The following B3GALNT2 variants were observed in gnomAD, a reference collection of about 807,000 sequenced individuals.
B3GALNT2 encodes the protein UDP-GalNAc:beta-1,3-N-acetylgalactosaminyltransferase 2.
Under a neutral mutation model 61.1 loss-of-function variants are expected in B3GALNT2, and 53 were observed. The ratio of observed to expected loss-of-function variants is 0.87; its 90% CI spans 0.70 to 1.09. The LOEUF is 1.09. Among genes scored for constraint, B3GALNT2 ranks in the 50% least tolerant of loss-of-function variants. B3GALNT2 has a pLI of 0.00. For synonymous variants in B3GALNT2, 223 were observed against 237.4 expected, an observed-to-expected ratio of 0.94 and a Z score of 0.56; for missense variants, 544 against 623.0, an observed-to-expected ratio of 0.87 and a Z score of 1.35.
At chr1:235,454,922 T>C (rs1019014011) in intron 9 of B3GALNT2, among the ~76,000 whole-genome samples, 1 of 152,194 alleles carries the variant, frequency 6.6e-6, no homozygotes, top group Non-Finnish European at 1.5e-5. Context: ...TAATCCATAT[T>C]GTATTCCTGA....
At position 235,448,502 on chromosome 1, in the gene B3GALNT2, A is replaced by T; in HGVS notation, c.*1704T>A. ...CTTAGTCCTCGTATTATGACATTAA[A>T]CTGTCTCTAGATAGCAACAGTTTGA... On this transcript the variant is annotated 3_prime_UTR_variant, in exon 12 of 12. Coordinates refer to ENST00000366600, the MANE Select transcript of B3GALNT2 (RefSeq NM_152490.5). 6.6e-7 allele frequency: 1 copy of T among 1,523,468 alleles called. No individual in the cohort carries two copies. Among genetic ancestry groups the T allele is most frequent in the South Asian group, 1.1e-5 (1 of 88,960 alleles). 94.4% of individuals were successfully genotyped at this position (1,523,468 alleles called of 1,614,324 possible).
chr1:235,447,884 C>CTAAT lies in B3GALNT2; in HGVS notation c.*2318_*2321dup, dbSNP rs1682510127. On this transcript the variant is annotated 3_prime_UTR_variant, in exon 12 of 12. Transcript: ENST00000366600. ...GGTGGTACAAGACTCAGGCTTTCCC[C>CTAAT]TAATTACTTACTTGGGTAAAGTGAC... Among the ~76,000 whole-genome samples, 1 of 151,892 alleles carries CTAAT rather than the reference C, an allele frequency of 6.6e-6. No homozygotes were observed.
intron 7 of B3GALNT2, among the ~76,000 whole-genome samples, chr1:235,462,527 A>C (rs1048924206): frequency 3.3e-5 from 5 of 152,264 alleles, no homozygotes; most frequent in African/African-American, 1.2e-4. Flanking sequence ...ATGTTGCAGC[A>C]CACAGATCAA....
chr1:235,474,361 C>T (rs1395141344), intron 5 of B3GALNT2, among the ~76,000 whole-genome samples: 1 of 152,228 alleles, frequency 6.6e-6, no homozygotes, highest in Non-Finnish European at 1.5e-5. Context: ...AGCAAGCTGT[C>T]TGTAACTCCT....
chr1:235,482,777 C>G (rs771364198), intron 4 of B3GALNT2, among the ~76,000 whole-genome samples: 1 of 151,962 alleles, frequency 6.6e-6, no homozygotes, highest in Non-Finnish European at 1.5e-5. Context: ...CAGTGAACCA[C>G]GACTGTGCCA....
At chr1:235,455,787 C>G (rs1683142505) in intron 8 of B3GALNT2, 103 bp from the exon 9 acceptor site, 1 of 1,337,006 alleles carries the variant, frequency 7.5e-7, no homozygotes, top group Middle Eastern at 1.9e-4. Context: ...CTGTCATTAT[C>G]TAAATTTCTT....
In B3GALNT2 at chr1:235,480,085, T is replaced by TACCACAGCTTGTTCACCTGCAC; in HGVS notation, c.598_619dup (p.Tyr207CysfsTer21). 1 of 1,613,974 alleles carries TACCACAGCTTGTTCACCTGCAC rather than the reference T, an allele frequency of 6.2e-7. No homozygotes were observed. The highest frequency in any genetic ancestry group is 1.1e-5 in the South Asian group (1 of 91,080). Reference sequence around the variant, plus strand: ...TAAGATGAATTGTTCCACGGGCTTGTACCACAGCTTGTTCACCTGCACACC... The same window carrying TACCACAGCTTGTTCACCTGCAC: ...TAAGATGAATTGTTCCACGGGCTTGTACCACAGCTTGTTCACCTGCACACCACAGCTTGTTCACCTGCACACC... On this transcript the variant is annotated frameshift_variant, in exon 5 of 12. Coordinates refer to ENST00000366600, the MANE Select transcript of B3GALNT2 (RefSeq NM_152490.5). LOFTEE classifies it high-confidence loss of function.
chr1:235,441,605 T>A, the B3GALNT2 span: 1 of 580,804 alleles, frequency 1.7e-6, no homozygotes, highest in Non-Finnish European at 3.1e-6. Context: ...CTACAGAGTC[T>A]GCAGCTCTGG....
chr1:235,475,773 AAATT>A (rs764463421), intron 5 of B3GALNT2, among the ~76,000 whole-genome samples: 1 of 152,178 alleles, frequency 6.6e-6, no homozygotes, highest in Non-Finnish European at 1.5e-5. Flanking sequence ...AAAAAGAAGA[AAATT>A]AAAATCATCC....
At position 235,448,263 on chromosome 1, in the gene B3GALNT2, A is replaced by G. The variant is rs899045502; in HGVS notation, c.*1943T>C. ...AAAGACAGATACAGCTATCATTGCA[A>G]TGATACTGTGGTCTCATCACATGAG... On this transcript the variant is annotated 3_prime_UTR_variant, in exon 12 of 12. Coordinates refer to ENST00000366600, the MANE Select transcript of B3GALNT2 (RefSeq NM_152490.5). 4.3e-5 allele frequency: 43 copies of G among 1,010,056 alleles called. No individual in the cohort carries two copies. Among genetic ancestry groups the G allele is most frequent in the Non-Finnish European group, 6.5e-5 (41 of 632,838 alleles). 62.6% of individuals were successfully genotyped at this position (1,010,056 alleles called of 1,614,324 possible). A position where few individuals can be genotyped will look rare whatever the true frequency, so the allele number is the denominator to read the frequency against.
rs1321967195 is a variant in B3GALNT2, at chr1:235,494,818, G to C, written c.123C>G (p.Ala41=). The C allele has an allele frequency of 1.2e-6, 2 of 1,606,198 alleles. No individual in the cohort carries two copies. The highest frequency in any genetic ancestry group is 1.1e-5 in the South Asian group (1 of 90,598). Residue 41 remains alanine (A), a synonymous_variant, in exon 2 of 12, where the codon GCC becomes GCG. Transcript: ENST00000366600. ...ASGAGPADQL[A]LFPQWKSTHY... ...GAGTAGATTTCCACTGAGGAAATAA[G>C]GCCAACTGATCTAGAAATAAGAACA...
chr1:235,493,685 G>A (rs911420429), intron 2 of B3GALNT2, among the ~76,000 whole-genome samples: 2 of 152,120 alleles, frequency 1.3e-5, no homozygotes, highest in African/African-American at 4.8e-5. Flanking sequence ...GGCTGAGGCA[G>A]GAGAATCGCT....
At position 235,447,921 on chromosome 1, in the gene B3GALNT2, G is replaced by T. The variant is rs1183868947; in HGVS notation, c.*2285C>A. Among the ~76,000 whole-genome samples the T allele has an allele frequency of 2.0e-5, 3 of 152,098 alleles. No individual in the cohort carries two copies. In the East Asian group the frequency reaches 5.8e-4, roughly 29 times the overall value. Reference sequence around the variant, plus strand: ...TTGGGTAAAGTGACTTGGGTAAAATGAAAGATACAGCCAGGCGCTGGGCTC... The same window carrying T: ...TTGGGTAAAGTGACTTGGGTAAAATTAAAGATACAGCCAGGCGCTGGGCTC... On this transcript the variant is annotated 3_prime_UTR_variant, in exon 12 of 12. Coordinates refer to ENST00000366600, the MANE Select transcript of B3GALNT2 (RefSeq NM_152490.5).
intron 2 of B3GALNT2, among the ~76,000 whole-genome samples, chr1:235,490,754 TACTC>T (rs1415688603): frequency 1.3e-5 from 2 of 152,006 alleles, no homozygotes; most frequent in Middle Eastern, 3.4e-3. Flanking sequence ...TCAAAGGAAA[TACTC>T]AAATTAATCA....
chr1:235,465,082 A>G (rs183893081), intron 7 of B3GALNT2: 1 of 152,412 alleles, frequency 6.6e-6, no homozygotes, highest in East Asian at 1.9e-4. Flanking sequence ...CATTTAAGAG[A>G]AATGGAAATA....
chr1:235,449,742 G>A lies in B3GALNT2; in HGVS notation c.*464C>T, dbSNP rs1682776529. 1 of 154,058 alleles carries A rather than the reference G, an allele frequency of 6.5e-6. No individual in the cohort carries two copies. The highest frequency in any genetic ancestry group is 2.4e-5 in the African/African-American group (1 of 41,438). The allele number at this position is 154,058 out of a possible 1,614,324, so 9.5% of individuals were successfully genotyped here. ...CCACTGCTCAAATATGTGATCACAT[G>A]ATCACACAGCATTCCTGTGAGTTCC... is the stretch of plus-strand genomic sequence containing the variant. On this transcript the variant is annotated 3_prime_UTR_variant, in exon 12 of 12. Coordinates refer to ENST00000366600, the MANE Select transcript of B3GALNT2 (RefSeq NM_152490.5).
At chr1:235,494,286 G>A (rs1685210379) in intron 2 of B3GALNT2, among the ~76,000 whole-genome samples, 1 of 12,724 alleles carries the variant, frequency 7.9e-5, no homozygotes, top group Admixed American at 8.6e-4. Context: ...AATACTACAC[G>A]TTAACCAGTG....
the B3GALNT2 span, among the ~76,000 whole-genome samples, chr1:235,440,057 G>A: frequency 1.3e-5 from 2 of 151,776 alleles, no homozygotes; most frequent in East Asian, 2.0e-4. Flanking sequence ...TGCAAGCTCC[G>A]CCTCCCGGGT....
intron 7 of B3GALNT2, chr1:235,465,386 T>C (rs1461898189): frequency 3.1e-6 from 1 of 317,676 alleles, no homozygotes; most frequent in Non-Finnish European, 5.0e-6. Flanking sequence ...CAGTAGTTGT[T>C]AGGGGGTGGG....
Sources: gnomAD v4.1 joint callset for allele counts (sites outside exome capture counted in the v4.1 genomes callset) on GRCh38, gnomAD v4.1.1 for gene constraint, MANE v1.5 for transcripts, NCBI Gene and HGNC (gene_info 2026-07-23, HGNC 2026-07-21) for gene names.